Variants in SLC22A3 observed in about 807,000 individuals in gnomAD.
SLC22A3 encodes the protein solute carrier family 22 member 3, also known as EMT organic cation transporter 3.
In SLC22A3, 51 loss-of-function variants were observed where a neutral mutation model predicts 59.1. That is an observed-to-expected ratio of 0.86 (90% confidence interval 0.69 to 1.09). The LOEUF is 1.09. Among genes scored for constraint, SLC22A3 ranks in the 50% least tolerant of loss-of-function variants. The probability of loss-of-function intolerance (pLI) is 0.00; values close to 1 mark genes in which losing one functional copy is unlikely to be tolerated. For missense variants in SLC22A3, 711 were observed against 726.3 expected (o/e 0.98, Z 0.24); for synonymous variants, 325 against 292.0 (o/e 1.11, Z -1.15).
intron 5 of SLC22A3, among the ~76,000 whole-genome samples, chr6:160,413,835 T>G (rs1271412760): frequency 1.3e-5 from 2 of 152,190 alleles, no homozygotes; most frequent in African/African-American, 4.8e-5. Context: ...CTTCCCTGAT[T>G]GTCCTACAAT....
chr6:160,431,224 C>T (rs1017769186), intron 5 of SLC22A3, among the ~76,000 whole-genome samples: 1 of 152,114 alleles, frequency 6.6e-6, no homozygotes, highest in Non-Finnish European at 1.5e-5. Context: ...TTTAGTAACC[C>T]TTTGGCAACA....
intron 5 of SLC22A3, among the ~76,000 whole-genome samples, chr6:160,417,454 T>C (rs1787546884): frequency 6.6e-6 from 1 of 152,198 alleles, no homozygotes; most frequent in Admixed American, 6.5e-5. Context: ...TTTGGGGGTA[T>C]CTGTTCTTGC....
At chr6:160,376,608 T>C (rs1785605055) in intron 1 of SLC22A3, among the ~76,000 whole-genome samples, 1 of 152,202 alleles carries the variant, frequency 6.6e-6, no homozygotes, top group Non-Finnish European at 1.5e-5. Context: ...TACCTGTGTA[T>C]TTATTCACCT....
intron 1 of SLC22A3, among the ~76,000 whole-genome samples, chr6:160,378,349 T>G (rs1347760535): frequency 6.6e-6 from 1 of 152,206 alleles, no homozygotes; most frequent in Non-Finnish European, 1.5e-5. Flanking sequence ...TGGTGTTTCA[T>G]CAGGTCAGCT....
intron 1 of SLC22A3, among the ~76,000 whole-genome samples, chr6:160,397,659 G>A (rs574944575): frequency 1.5e-3 from 221 of 150,264 alleles, no homozygotes; most frequent in Non-Finnish European, 2.8e-3. Flanking sequence ...GCTTGAACCC[G>A]AGAGGCAGAG....
rs1329374250 is a variant in SLC22A3 at position 160,442,888 on chromosome 6, A to C, written c.1397+19A>C. ...CATTACGGTAATTCTAACAAACGTT[A>C]TAGTTTCTCCTAAGTAACTCTGTAG... is the stretch of plus-strand genomic sequence containing the variant. On this transcript the variant is annotated intron_variant, in intron 8 of 10. Transcript: ENST00000275300. The C allele has an allele frequency of 6.4e-7, 1 of 1,569,372 alleles. No homozygotes were observed. Among genetic ancestry groups the C allele is most frequent in the Admixed American group, 1.7e-5 (1 of 59,972 alleles).
chr6:160,439,585 AATTC>A (rs1788473958), intron 7 of SLC22A3, among the ~76,000 whole-genome samples: 1 of 152,208 alleles, frequency 6.6e-6, no homozygotes. Flanking sequence ...TTTTGTAGAG[AATTC>A]TTTCATATAT....
intron 1 of SLC22A3, among the ~76,000 whole-genome samples, chr6:160,396,588 G>T (rs575201540): frequency 6.6e-6 from 1 of 152,140 alleles, no homozygotes; most frequent in East Asian, 1.9e-4. Context: ...AACAGAAATA[G>T]AATTAATTTT....
intron 1 of SLC22A3, among the ~76,000 whole-genome samples, chr6:160,385,146 A>G (rs1785952163): frequency 6.6e-6 from 1 of 152,178 alleles, no homozygotes. Context: ...CTTGTGTCTC[A>G]CTGAAAGCAT....
chr6:160,386,413 G>A (rs1786018592), intron 1 of SLC22A3, among the ~76,000 whole-genome samples: 1 of 152,172 alleles, frequency 6.6e-6, no homozygotes, highest in Admixed American at 6.5e-5. Flanking sequence ...GGTTTTTAGG[G>A]TATCTCTTTG....
rs551328081 is a variant in SLC22A3 at position 160,407,241 on chromosome 6, G to A, written c.688+46G>A. On this transcript the variant is annotated intron_variant, in intron 3 of 10. Transcript: ENST00000275300. The stretch of plus-strand genomic sequence containing the variant: ...CTTCTCTATTTGGAAACTAGGGCCA[G>A]ATAGCCAACAAATGCTAGTTAATCA... The A allele has an allele frequency of 3.4e-5, 52 of 1,544,026 alleles. No homozygotes were observed. The Middle Eastern group carries it at 1.2e-3, about 36-fold the overall frequency.
intron 1 of SLC22A3, among the ~76,000 whole-genome samples, chr6:160,381,372 T>C (rs1489248538): frequency 1.3e-5 from 2 of 152,162 alleles, no homozygotes; most frequent in African/African-American, 4.8e-5. Flanking sequence ...ATGGCTGATA[T>C]CATGGAGTAA....
rs537020286 is a variant in SLC22A3 at position 160,437,155 on chromosome 6, C to G, written c.1232C>G (p.Ala411Gly). 2.0e-5 allele frequency: 33 copies of G among 1,614,146 alleles called. 1 individual carries two copies. In the South Asian group the frequency reaches 3.6e-4, roughly 18 times the overall value. Residue 411 changes from alanine (A) to glycine (G), a missense_variant, in exon 7 of 11, where the codon GCG becomes GGG. Ala to Gly is a moderately conservative substitution (Grantham distance 60, BLOSUM62 0). Transcript: ENST00000275300. ...CGCCTTGGACGACGCCTCCCCTTTG[C>G]GGCAAGCAATATAGTGGCAGGGGTG... ...IERLGRRLPF[A>G]ASNIVAGVAC... is the part of the protein sequence containing the mutation.
At chr6:160,376,344 C>A (rs1229538556) in intron 1 of SLC22A3, among the ~76,000 whole-genome samples, 1 of 131,860 alleles carries the variant, frequency 7.6e-6, no homozygotes, top group Non-Finnish European at 1.6e-5. Flanking sequence ...GCCTGGTTGG[C>A]GTGGGGGCAG....
chr6:160,369,105 T>G (rs957098856), intron 1 of SLC22A3, among the ~76,000 whole-genome samples: 1 of 152,210 alleles, frequency 6.6e-6, no homozygotes, highest in Non-Finnish European at 1.5e-5. Context: ...TCCAAGTGCC[T>G]ACTTGAACAG....
intron 2 of SLC22A3, 26 bp from the exon 3 acceptor site, chr6:160,407,015 G>T (rs1267902636): frequency 6.2e-7 from 1 of 1,612,406 alleles, no homozygotes; most frequent in Non-Finnish European, 8.5e-7. Flanking sequence ...TTTAAGGTGA[G>T]CTCTTTTCCT....
chr6:160,426,708 T>C (rs1340236725), intron 5 of SLC22A3, among the ~76,000 whole-genome samples: 1 of 152,222 alleles, frequency 6.6e-6, no homozygotes, highest in Non-Finnish European at 1.5e-5. Flanking sequence ...CTGCTGTGTC[T>C]CTGGTCTCCA....
chr6:160,451,392 C>T lies in SLC22A3; in HGVS notation c.*336C>T, dbSNP rs1788958609. The T allele has an allele frequency of 7.7e-6, 2 of 260,406 alleles. No individual in the cohort carries two copies. The highest frequency in any genetic ancestry group is 9.6e-5 in the Admixed American group (2 of 20,892). 16.1% of individuals were successfully genotyped at this position (260,406 alleles called of 1,614,324 possible). A position where few individuals can be genotyped will look rare whatever the true frequency, so the allele number is the denominator to read the frequency against. ...CAAGAGAAGCCCCCAACCTGATTCT[C>T]ATGACAGCTCCATCAAGAATGTGGG... On this transcript the variant is annotated 3_prime_UTR_variant, in exon 11 of 11. Coordinates refer to ENST00000275300, the MANE Select transcript of SLC22A3 (RefSeq NM_021977.4).
rs780018864 is a variant in SLC22A3, at chr6:160,407,045, G to T, written c.538G>T (p.Gly180Cys). The T allele has an allele frequency of 1.9e-6, 3 of 1,613,108 alleles. No homozygotes were observed. The highest frequency in any genetic ancestry group is 2.2e-5 in the East Asian group (1 of 44,878). ...FTLGYAADRYGRIVIYLLSCL... is the reference protein window; with the variant it reads ...FTLGYAADRYCRIVIYLLSCL... ...TTTCCTGTCTTTCTCAAAAAGGTAT[G>T]GCAGGATCGTCATTTACTTGCTATC... Residue 180 changes from glycine (G) to cysteine (C), a missense_variant, in exon 3 of 11, where the codon GGC (glycine) becomes TGC (cysteine). Coordinates refer to ENST00000275300, the MANE Select transcript of SLC22A3 (RefSeq NM_021977.4).
Sources: allele counts gnomAD v4.1 joint callset (sites outside exome capture counted in the v4.1 genomes callset), GRCh38; gene constraint gnomAD v4.1.1; transcripts MANE v1.5; gene names NCBI Gene and HGNC (gene_info 2026-07-23, HGNC 2026-07-21).